KIAA1549L: variants seen among roughly 807,000 people sequenced by gnomAD.
KIAA1549L encodes the protein KIAA1549 like, also known as UPF0606 protein KIAA1549L.
A neutral mutation model predicts 160.7 loss-of-function variants in KIAA1549L; 88 were observed. The ratio of observed to expected loss-of-function variants is 0.55; its 90% CI spans 0.46 to 0.65. The LOEUF (loss-of-function observed/expected upper bound fraction) is 0.65, where lower values mean the gene tolerates loss of function less well. Among genes scored for constraint, KIAA1549L ranks in the 30% least tolerant of loss-of-function variants. KIAA1549L has a pLI of 0.00. For missense variants in KIAA1549L, 2,258 were observed against 2,437.5 expected (o/e 0.93, Z 1.55); for synonymous variants, 950 against 976.7 (o/e 0.97, Z 0.51).
At chr11:33,604,745 A>G (rs979323844) in intron 13 of KIAA1549L, among the ~76,000 whole-genome samples, 7 of 152,180 alleles carry the variant, frequency 4.6e-5, no homozygotes, top group Non-Finnish European at 8.8e-5. Flanking sequence ...AGTGGGAGCT[A>G]AGCTATGAGG....
chr11:33,399,311 G>A (rs1160522008), intron 1 of KIAA1549L, among the ~76,000 whole-genome samples: 2 of 152,082 alleles, frequency 1.3e-5, no homozygotes, highest in East Asian at 1.9e-4. Flanking sequence ...GAAGGGGAAC[G>A]CTTTTCTCCT....
chr11:33,455,002 T>C (rs1254232738), intron 1 of KIAA1549L, among the ~76,000 whole-genome samples: 1 of 152,126 alleles, frequency 6.6e-6, no homozygotes, highest in African/African-American at 2.4e-5. Context: ...GGCAGGAGAA[T>C]GGCGTGAACC....
intron 1 of KIAA1549L, among the ~76,000 whole-genome samples, chr11:33,457,976 G>A (rs1160392962): frequency 6.6e-6 from 1 of 152,176 alleles, no homozygotes; most frequent in African/African-American, 2.4e-5. Flanking sequence ...CGAGTTCCAT[G>A]TCCCGTCTGC....
At chr11:33,585,388 C>T (rs1466805764) in intron 11 of KIAA1549L, among the ~76,000 whole-genome samples, 1 of 152,048 alleles carries the variant, frequency 6.6e-6, no homozygotes, top group Non-Finnish European at 1.5e-5. Flanking sequence ...TGTGGTGGCG[C>T]ACACCTGTAA....
At position 33,502,660 on chromosome 11, in the gene KIAA1549L, G is replaced by T. The variant is rs1269424700; in HGVS notation, c.239-39142G>T. 2.6e-5 allele frequency among the ~76,000 whole-genome samples: 4 copies of T among 152,126 alleles called. No individual in the cohort carries two copies. In the East Asian group the frequency reaches 5.8e-4, roughly 22 times the overall value. ...AAATGCCAAATACAGGTATATCAAAGAAATTGTTATCTTTATTACCAAAAT... is the reference window on the plus strand; with the variant it reads ...AAATGCCAAATACAGGTATATCAAATAAATTGTTATCTTTATTACCAAAAT... On this transcript the variant is annotated intron_variant, in intron 1 of 20. Coordinates refer to ENST00000658780, the MANE Select transcript of KIAA1549L (RefSeq NM_012194.3).
chr11:33,567,894 A>C (rs1415668610), intron 8 of KIAA1549L, among the ~76,000 whole-genome samples, 182 bp from the exon 9 acceptor site: 1 of 152,182 alleles, frequency 6.6e-6, no homozygotes, highest in Non-Finnish European at 1.5e-5. Flanking sequence ...CATCTATAAC[A>C]TGTGGATAAT....
intron 15 of KIAA1549L, among the ~76,000 whole-genome samples, chr11:33,615,409 C>CA (rs530817678): frequency 8.5e-5 from 13 of 152,184 alleles, no homozygotes; most frequent in Non-Finnish European, 1.9e-4. Context: ...ACTTACTTCT[C>CA]AAGTTTGTAT....
At chr11:33,454,672 AG>A (rs1219675604) in intron 1 of KIAA1549L, among the ~76,000 whole-genome samples, 1 of 152,126 alleles carries the variant, frequency 6.6e-6, no homozygotes, top group Non-Finnish European at 1.5e-5. Context: ...TTTTTTCTTA[AG>A]TCATTTTAGA....
intron 1 of KIAA1549L, among the ~76,000 whole-genome samples, chr11:33,461,171 A>C (rs1219018399): frequency 6.8e-6 from 1 of 147,396 alleles, no homozygotes; most frequent in African/African-American, 2.6e-5. Flanking sequence ...TCTTTGTAAC[A>C]AAAAAAAATA....
chr11:33,659,314 G>A (rs947348022), intron 19 of KIAA1549L, among the ~76,000 whole-genome samples: 2 of 152,112 alleles, frequency 1.3e-5, no homozygotes, highest in Non-Finnish European at 2.9e-5. Context: ...AATGTTTAAT[G>A]TATTTGAAAT....
Position 33,635,802 on chromosome 11 carries a change from A to G in KIAA1549L, c.5410-9884A>G, listed in dbSNP as rs1335613770. 2.0e-5 allele frequency among the ~76,000 whole-genome samples: 3 copies of G among 152,214 alleles called. No individual in the cohort carries two copies. In the East Asian group the frequency reaches 5.8e-4, roughly 29 times the overall value. On this transcript the variant is annotated intron_variant, in intron 16 of 20. Transcript: ENST00000658780. The stretch of plus-strand genomic sequence containing the variant: ...TTTAACACTCATTTATTCAGTGAGT[A>G]TTTATTAATGTTCTACCACATGCCA...
chr11:33,435,788 ATATAT>A (rs1851348589), intron 1 of KIAA1549L, among the ~76,000 whole-genome samples: 1 of 26,508 alleles, frequency 3.8e-5, no homozygotes, highest in African/African-American at 1.3e-4. Context: ...ATATATATAT[ATATAT>A]ATATATATAT....
intron 8 of KIAA1549L, among the ~76,000 whole-genome samples, chr11:33,564,954 A>AAC (rs1234655494): frequency 6.6e-6 from 1 of 152,210 alleles, no homozygotes; most frequent in Non-Finnish European, 1.5e-5. Context: ...GGAATAAGAG[A>AAC]ACAGCGATGT....
chr11:33,508,537 C>G (rs139396417), intron 1 of KIAA1549L, among the ~76,000 whole-genome samples: 1 of 152,188 alleles, frequency 6.6e-6, no homozygotes, highest in Non-Finnish European at 1.5e-5. Flanking sequence ...AAAATTACAC[C>G]TGCGTGTGTG....
intron 1 of KIAA1549L, among the ~76,000 whole-genome samples, chr11:33,501,244 C>G (rs997809451): frequency 1.4e-4 from 22 of 152,144 alleles, no homozygotes; most frequent in Non-Finnish European, 3.2e-4. Context: ...TACAGACATC[C>G]TTTGTCATTC....
chr11:33,515,503 C>A (rs1853323813), intron 1 of KIAA1549L, among the ~76,000 whole-genome samples: 1 of 152,212 alleles, frequency 6.6e-6, no homozygotes, highest in Admixed American at 6.5e-5. Flanking sequence ...GTCTGCGCAG[C>A]TGGGGCTGTG....
intron 9 of KIAA1549L, among the ~76,000 whole-genome samples, chr11:33,570,872 T>G (rs1429328902): frequency 1.3e-5 from 2 of 152,194 alleles, no homozygotes; most frequent in African/African-American, 4.8e-5. Context: ...AGTAAAATAC[T>G]AAGATCCAGT....
chr11:33,447,429 A>G (rs1851633836), intron 1 of KIAA1549L, among the ~76,000 whole-genome samples: 3 of 151,980 alleles, frequency 2.0e-5, no homozygotes. Context: ...TACTCTCTAA[A>G]AAACCTTTGT....
chr11:33,438,622 C>T (rs1237759616), intron 1 of KIAA1549L, among the ~76,000 whole-genome samples: 1 of 152,202 alleles, frequency 6.6e-6, no homozygotes, highest in East Asian at 1.9e-4. Context: ...AACGAAGAGG[C>T]AGTTCATTAA....
Sources: allele counts gnomAD v4.1 joint callset (sites outside exome capture counted in the v4.1 genomes callset), GRCh38; gene constraint gnomAD v4.1.1; transcripts MANE v1.5; gene names NCBI Gene and HGNC (gene_info 2026-07-23, HGNC 2026-07-21).